The following EBF2 variants were observed in gnomAD, a reference collection of about 807,000 sequenced individuals.
The protein encoded by EBF2 is EBF transcription factor 2.
In EBF2, 21 loss-of-function variants were observed where a neutral mutation model predicts 72.8. The ratio of observed to expected loss-of-function variants is 0.29; its 90% CI spans 0.20 to 0.42. EBF2 has a LOEUF of 0.42. Among genes scored for constraint, EBF2 ranks in the 10% least tolerant of loss-of-function variants. EBF2 has a pLI of 1.00. For missense variants in EBF2, 637 were observed against 731.2 expected, an observed-to-expected ratio of 0.87 and a Z score of 1.49; for synonymous variants, 299 against 274.2, an observed-to-expected ratio of 1.09 and a Z score of -0.89.
chr8:26,042,040 G>C, intron 2 of EBF2, 55 bp downstream of exon 2: 1 of 1,588,510 alleles, frequency 6.3e-7, no homozygotes, highest in Non-Finnish European at 8.6e-7. Flanking sequence ...AATCTTTAGT[G>C]CTTCGCAAGA....
intron 6 of EBF2, among the ~76,000 whole-genome samples, chr8:26,002,674 T>C (rs1804750559): frequency 6.6e-6 from 1 of 152,138 alleles, no homozygotes; most frequent in Non-Finnish European, 1.5e-5. Context: ...TTCTTTTCCT[T>C]GCAGGCTTTG....
At chr8:26,002,509 G>A (rs180974881) in intron 6 of EBF2, among the ~76,000 whole-genome samples, 42 of 152,282 alleles carry the variant, frequency 2.8e-4, no homozygotes, top group Middle Eastern at 3.4e-3. Flanking sequence ...GCAAGGGCCC[G>A]GGGCTGAGCA....
At chr8:26,029,833 A>G (rs1531955) in intron 6 of EBF2, among the ~76,000 whole-genome samples, 147,433 of 152,298 alleles carry the variant, frequency 0.97, 71,370 homozygotes, top group East Asian at 1. Flanking sequence ...CAGAGACCAG[A>G]CGCAAGGCTG....
At chr8:25,946,233 G>A (rs1006991313) in intron 6 of EBF2, among the ~76,000 whole-genome samples, 1 of 152,214 alleles carries the variant, frequency 6.6e-6, no homozygotes, top group African/African-American at 2.4e-5. Flanking sequence ...AATCACTTTG[G>A]GAGTGGGGCA....
intron 6 of EBF2, among the ~76,000 whole-genome samples, chr8:26,019,489 T>C (rs1426491862): frequency 2.6e-5 from 4 of 152,186 alleles, no homozygotes; most frequent in Admixed American, 1.3e-4. Flanking sequence ...ATTGGTTCCA[T>C]GGCACTGCAA....
chr8:26,044,987 T>C lies in EBF2; in HGVS notation c.-128A>G. ...AAGAAAAGGGATCAAGTGCCCAAGT[T>C]TGAGTCTTAGAAAAAAAAAAAAGAT... On this transcript the variant is annotated 5_prime_UTR_variant, in exon 1 of 16. Coordinates refer to ENST00000520164, the MANE Select transcript of EBF2 (RefSeq NM_022659.4). The surrounding 1 kb of genome is among the most constrained non-coding windows in gnomAD (Gnocchi z 4.1). 9.9e-7 allele frequency: 1 copy of C among 1,010,746 alleles called. No homozygotes were observed. Among genetic ancestry groups the C allele is most frequent in the Non-Finnish European group, 1.4e-6 (1 of 707,312 alleles). 62.6% of individuals were successfully genotyped at this position (1,010,746 alleles called of 1,614,324 possible). A position where few individuals can be genotyped will look rare whatever the true frequency, so the allele number is the denominator to read the frequency against.
chr8:25,962,077 A>G (rs896364780), intron 6 of EBF2, among the ~76,000 whole-genome samples: 1 of 152,188 alleles, frequency 6.6e-6, no homozygotes, highest in Admixed American at 6.5e-5. Context: ...GGAGGGGGCC[A>G]GGGAGGAACG....
intron 6 of EBF2, among the ~76,000 whole-genome samples, chr8:25,980,308 G>A (rs766987949): frequency 6.6e-6 from 1 of 152,154 alleles, no homozygotes. Flanking sequence ...ACAGTTAAAC[G>A]TGTAAGGAGC....
intron 6 of EBF2, among the ~76,000 whole-genome samples, chr8:25,922,636 G>A (rs6985478): frequency 0.66 from 101,122 of 152,080 alleles, 34,254 homozygotes; most frequent in East Asian, 0.85. Context: ...AACAAAAAAT[G>A]TAAAAGTTGC....
chr8:25,899,956 G>A (rs901177983), intron 7 of EBF2, among the ~76,000 whole-genome samples: 6 of 152,160 alleles, frequency 3.9e-5, no homozygotes, highest in Admixed American at 3.9e-4. Flanking sequence ...CTCCCACACC[G>A]GGCGCTTCTT....
intron 6 of EBF2, among the ~76,000 whole-genome samples, chr8:26,023,512 G>A (rs576064377): frequency 2.0e-5 from 3 of 152,276 alleles, no homozygotes; most frequent in Middle Eastern, 3.4e-3. Flanking sequence ...CAGAGGTCTT[G>A]GGCAAGCACT....
At position 26,044,330 on chromosome 8, in the gene EBF2, G is replaced by C. The variant is rs894810626; in HGVS notation, c.131+399C>G. Among the ~76,000 whole-genome samples the C allele has an allele frequency of 2.0e-5, 3 of 152,240 alleles. No homozygotes were observed. The highest frequency in any genetic ancestry group is 7.2e-5 in the African/African-American group (3 of 41,468). On this transcript the variant is annotated intron_variant, in intron 1 of 15. Transcript: ENST00000520164. The surrounding 1 kb of genome is among the most constrained non-coding windows in gnomAD (Gnocchi z 4.1). ...CAGGCGGCGTGGCGAAGCCAAGAGT[G>C]GCCAGGAAGCCGGCTTTCCTCCCGC...
At chr8:25,917,414 A>G (rs1390908791) in intron 6 of EBF2, among the ~76,000 whole-genome samples, 1 of 152,182 alleles carries the variant, frequency 6.6e-6, no homozygotes, top group Non-Finnish European at 1.5e-5. Flanking sequence ...CATGTTTGTA[A>G]TTCTAATTGT....
intron 6 of EBF2, among the ~76,000 whole-genome samples, chr8:25,916,587 A>G (rs901803307): frequency 6.6e-5 from 10 of 152,202 alleles, no homozygotes; most frequent in Middle Eastern, 3.4e-3. Flanking sequence ...TCCAATATTA[A>G]TATATACTAC....
Position 26,045,108 on chromosome 8 carries a change from C to A in EBF2, c.-249G>T. The A allele has an allele frequency of 2.4e-6, 1 of 412,828 alleles. No individual in the cohort carries two copies. The highest frequency in any genetic ancestry group is 4.5e-6 in the Non-Finnish European group (1 of 223,074). The allele number at this position is 412,828 out of a possible 1,614,324, so 25.6% of individuals were successfully genotyped here. A position where few individuals can be genotyped will look rare whatever the true frequency, so the allele number is the denominator to read the frequency against. On this transcript the variant is annotated 5_prime_UTR_variant, in exon 1 of 16. An upstream open reading frame in the 5' UTR gains an earlier in-frame stop. Coordinates refer to ENST00000520164, the MANE Select transcript of EBF2 (RefSeq NM_022659.4). ...GTTCAGATCTGCCGCCTCAGCCACT[C>A]CACCCTAGGTCGCTCGCATCCTTCC...
intron 6 of EBF2, among the ~76,000 whole-genome samples, chr8:25,937,134 C>A (rs1803592930): frequency 6.6e-6 from 1 of 152,172 alleles, no homozygotes; most frequent in African/African-American, 2.4e-5. Context: ...TATAAGAATC[C>A]ACCTTTGGGA....
chr8:26,018,112 GT>G (rs71730646), intron 6 of EBF2, among the ~76,000 whole-genome samples: 31,225 of 146,338 alleles, frequency 0.21, 3,322 homozygotes, highest in African/African-American at 0.26. Context: ...GGTTGGAAAA[GT>G]TTTTTTTTTT....
chr8:25,999,165 G>A (rs1804682322), intron 6 of EBF2, among the ~76,000 whole-genome samples: 1 of 151,938 alleles, frequency 6.6e-6, no homozygotes, highest in African/African-American at 2.4e-5. Flanking sequence ...CTTGAGAAGA[G>A]AAAGCAAAAT....
intron 6 of EBF2, among the ~76,000 whole-genome samples, chr8:25,967,177 C>G (rs1804128537): frequency 1.3e-5 from 2 of 152,006 alleles, no homozygotes; most frequent in Admixed American, 6.5e-5. Flanking sequence ...TCGGGAGAGG[C>G]AGGAAAGGAA....
Sources: allele counts gnomAD v4.1 joint callset (sites outside exome capture counted in the v4.1 genomes callset), GRCh38; gene constraint gnomAD v4.1.1; non-coding constraint Gnocchi (gnomAD v3.1); transcripts MANE v1.5; gene names NCBI Gene and HGNC (gene_info 2026-07-23, HGNC 2026-07-21).